TSGA10: variants seen among roughly 807,000 people sequenced by gnomAD.
The protein encoded by TSGA10 is testis specific 10, also known as testis-specific gene 10 protein.
A neutral mutation model predicts 96.6 loss-of-function variants in TSGA10; 43 were observed. The ratio of observed to expected loss-of-function variants is 0.44; its 90% CI spans 0.35 to 0.57. The LOEUF is 0.57. TSGA10 is among the 20% of genes least tolerant of loss of function. The pLI is 0.01. For synonymous variants in TSGA10, 229 were observed against 269.9 expected, an observed-to-expected ratio of 0.85 and a Z score of 1.48; for missense variants, 703 against 834.4, an observed-to-expected ratio of 0.84 and a Z score of 1.94.
At position 99,154,819 on chromosome 2, in the gene TSGA10, G is replaced by T; in HGVS notation, c.-747C>A. On this transcript the variant is annotated 5_prime_UTR_variant, in exon 1 of 21. Coordinates refer to ENST00000393483, the MANE Select transcript of TSGA10 (RefSeq NM_025244.4). ...CGTCCCTGCCTGGAACCTGGTTCCC[G>T]CCCTGAAGGACCCTTACTTAGCACT... The T allele has an allele frequency of 3.1e-6, 1 of 327,168 alleles. No homozygotes were observed. The highest frequency in any genetic ancestry group is 4.4e-5 in the Admixed American group (1 of 22,804). 20.3% of individuals were successfully genotyped at this position (327,168 alleles called of 1,614,324 possible). A position where few individuals can be genotyped will look rare whatever the true frequency, so the allele number is the denominator to read the frequency against.
intron 17 of TSGA10, among the ~76,000 whole-genome samples, chr2:99,028,816 T>C (rs915635326): frequency 2.6e-5 from 4 of 152,206 alleles, no homozygotes; most frequent in African/African-American, 7.2e-5. Flanking sequence ...TTCCTCTTAA[T>C]TGTGAAGCAG....
intron 10 of TSGA10, among the ~76,000 whole-genome samples, chr2:99,097,820 C>G (rs2090234991): frequency 1.3e-5 from 2 of 151,948 alleles, no homozygotes; most frequent in Admixed American, 1.3e-4. Flanking sequence ...TGAAAGATGT[C>G]TAAAACATAA....
At chr2:99,065,256 A>G (rs2085137772) in intron 15 of TSGA10, 132 bp from the exon 16 acceptor site, 17 of 950,162 alleles carry the variant, frequency 1.8e-5, no homozygotes, top group Non-Finnish European at 2.6e-5. Context: ...AAATATATCT[A>G]TACTCTTAGT....
intron 16 of TSGA10, among the ~76,000 whole-genome samples, chr2:99,045,160 A>C (rs1292488748): frequency 6.6e-6 from 1 of 152,218 alleles, no homozygotes; most frequent in East Asian, 1.9e-4. Flanking sequence ...AGCTAGCAGA[A>C]GACAAGAAAT....
chr2:99,035,493 G>A, intron 16 of TSGA10, 54 bp from the exon 17 acceptor site: 2 of 1,269,808 alleles, frequency 1.6e-6, no homozygotes, highest in South Asian at 3.2e-5. Context: ...AAACTGGAAG[G>A]AAACTATAAC....
intron 16 of TSGA10, among the ~76,000 whole-genome samples, chr2:99,050,738 G>A (rs2083314610): frequency 6.6e-6 from 1 of 152,098 alleles, no homozygotes; most frequent in Non-Finnish European, 1.5e-5. Flanking sequence ...AAACAGTAAA[G>A]GAGGAATAGA....
Position 99,065,085 on chromosome 2 carries a change from C to A in TSGA10, c.1258G>T (p.Ala420Ser). The A allele has an allele frequency of 6.2e-7, 1 of 1,613,454 alleles. No individual in the cohort carries two copies. Among genetic ancestry groups the A allele is most frequent in the Non-Finnish European group, 8.5e-7 (1 of 1,179,792 alleles). Reference protein sequence around the residue: ...NRQMMEQLRKANEDAENWENK... With the variant: ...NRQMMEQLRKSNEDAENWENK... ...TCCCAGTTTTCAGCATCTTCATTGG[C>A]TTTTCGAAGTTGTTCCATCATTTGC... The change falls in exon 16 of 21, where the codon GCC becomes TCC. Residue 420 changes from alanine (A) to serine (S), a missense_variant. Physicochemically the swap from Ala to Ser is moderately conservative, Grantham distance 99. Coordinates refer to ENST00000393483, the MANE Select transcript of TSGA10 (RefSeq NM_025244.4).
chr2:99,076,763 T>A lies in TSGA10; in HGVS notation c.882+1896A>T, dbSNP rs549348113. Among the ~76,000 whole-genome samples the A allele has an allele frequency of 3.3e-5, 5 of 152,292 alleles. 1 individual carries two copies. In the East Asian group the frequency reaches 9.7e-4, roughly 29 times the overall value. ...AATTCTCATGAAAGCCACTGGACTC[T>A]CACTTAAGCTGTTCAACCTGTCTGG... On this transcript the variant is annotated intron_variant, in intron 12 of 20. Transcript: ENST00000393483.
chr2:99,074,949 G>A (rs1298616126), intron 12 of TSGA10, among the ~76,000 whole-genome samples: 8 of 147,784 alleles, frequency 5.4e-5, no homozygotes, highest in Non-Finnish European at 1.0e-4. Context: ...CAGAGACTCC[G>A]TCTCAAAAAA....
intron 10 of TSGA10, among the ~76,000 whole-genome samples, chr2:99,090,513 T>C (rs1436354526): frequency 6.6e-6 from 1 of 151,802 alleles, no homozygotes; most frequent in Non-Finnish European, 1.5e-5. Flanking sequence ...TGTAATTTAA[T>C]GAAATAAAAA....
chr2:99,075,330 C>A (rs2086576570), intron 12 of TSGA10, among the ~76,000 whole-genome samples: 1 of 152,118 alleles, frequency 6.6e-6, no homozygotes, highest in African/African-American at 2.4e-5. Flanking sequence ...AAAATTCAGT[C>A]TGGACAGGAT....
At chr2:99,109,701 A>G (rs1453613762) in intron 5 of TSGA10, 189 bp from the exon 6 acceptor site, 3 of 321,858 alleles carry the variant, frequency 9.3e-6, no homozygotes, top group Non-Finnish European at 1.6e-5. Context: ...ATATATCAGT[A>G]ATTTTTAAAA....
Position 98,998,109 on chromosome 2 carries a change from A to T in TSGA10, c.*88T>A. Reference sequence around the variant, plus strand: ...ATACATTTAACATTGCCAAGCATTTAAAAGATAAATGCACTCATGTAGCAA... The same window carrying T: ...ATACATTTAACATTGCCAAGCATTTTAAAGATAAATGCACTCATGTAGCAA... On this transcript the variant is annotated 3_prime_UTR_variant, in exon 21 of 21. Coordinates refer to ENST00000393483, the MANE Select transcript of TSGA10 (RefSeq NM_025244.4). 8.9e-7 allele frequency: 1 copy of T among 1,123,552 alleles called. No homozygotes were observed. Among genetic ancestry groups the T allele is most frequent in the Non-Finnish European group, 1.3e-6 (1 of 764,874 alleles). The allele number at this position is 1,123,552 out of a possible 1,614,324, so 69.6% of individuals were successfully genotyped here. A position where few individuals can be genotyped will look rare whatever the true frequency, so the allele number is the denominator to read the frequency against.
intron 16 of TSGA10, among the ~76,000 whole-genome samples, chr2:99,061,420 T>C (rs1463337559): frequency 6.6e-6 from 1 of 152,216 alleles, no homozygotes; most frequent in Non-Finnish European, 1.5e-5. Context: ...TAAACTGATA[T>C]AACCACTTTG....
intron 16 of TSGA10, among the ~76,000 whole-genome samples, chr2:99,064,667 G>T (rs1302236804): frequency 6.6e-6 from 1 of 152,086 alleles, no homozygotes; most frequent in Non-Finnish European, 1.5e-5. Context: ...GTGGGAGCTG[G>T]GGATATGTTT....
At chr2:99,105,116 T>A (rs1290440373) in intron 9 of TSGA10, among the ~76,000 whole-genome samples, 2 of 152,170 alleles carry the variant, frequency 1.3e-5, no homozygotes, top group Non-Finnish European at 2.9e-5. Context: ...AATGAATGCC[T>A]AATGATTTTT....
intron 10 of TSGA10, chr2:99,102,122 T>G (rs2090831604): frequency 6.9e-7 from 1 of 1,450,208 alleles, no homozygotes; most frequent in African/African-American, 1.4e-5. Context: ...AAGAGTTAGA[T>G]AGGGGTTACA....
intron 1 of TSGA10, among the ~76,000 whole-genome samples, chr2:99,134,303 T>C (rs1406510634): frequency 6.6e-6 from 1 of 152,154 alleles, no homozygotes; most frequent in Non-Finnish European, 1.5e-5. Context: ...TTCTCTAATC[T>C]TGTCTTCATG....
intron 1 of TSGA10, among the ~76,000 whole-genome samples, chr2:99,129,999 G>C (rs1356472524): frequency 6.6e-6 from 1 of 152,170 alleles, no homozygotes; most frequent in African/African-American, 2.4e-5. Flanking sequence ...AGTATCCATG[G>C]TGTATATGTG....
Sources: gnomAD v4.1 joint callset for allele counts (sites outside exome capture counted in the v4.1 genomes callset) on GRCh38, gnomAD v4.1.1 for gene constraint, MANE v1.5 for transcripts, NCBI Gene and HGNC (gene_info 2026-07-23, HGNC 2026-07-21) for gene names.